TAB3: variants seen among roughly 807,000 people sequenced by gnomAD.
TAB3 encodes the protein TGF-beta-activated kinase 1 and MAP3K7-binding protein 3.
TAB3 carries 18 observed loss-of-function variants against 48.1 expected under a neutral mutation model. The observed-to-expected ratio is 0.37, with a 90% CI of 0.26 to 0.55. The LOEUF (loss-of-function observed/expected upper bound fraction) is 0.55. TAB3 is among the 20% of genes least tolerant of loss of function. The probability of loss-of-function intolerance (pLI) is 0.78; values close to 1 mark genes in which losing one functional copy is unlikely to be tolerated. For missense variants in TAB3, 414 were observed against 549.8 expected (o/e 0.75, Z 2.47); for synonymous variants, 185 against 190.2 (o/e 0.97, Z 0.22).
Position 30,831,184 on chromosome X carries a change from A to T in TAB3, c.*243T>A. ...TGTGTGTACATTCTTTCACAGAGTG[A>T]ATCCTTTCCCAGTTTCAAGTATCCC... On this transcript the variant is annotated 3_prime_UTR_variant, in exon 11 of 11. Transcript: ENST00000288422. 1 of 317,497 alleles carries T rather than the reference A, an allele frequency of 3.1e-6. No individual in the cohort carries two copies. The highest frequency in any genetic ancestry group is 5.5e-6 in the Non-Finnish European group (1 of 182,611). 26.2% of individuals were successfully genotyped at this position (317,497 alleles called of 1,213,427 possible).
At chrX:30,864,475 G>T (rs1939341535) in intron 4 of TAB3, among the ~76,000 whole-genome samples, 1 of 111,691 alleles carries the variant, frequency 9.0e-6, no homozygotes. Context: ...AGTGGTTTCT[G>T]TTCCTGAAAA....
In TAB3 at chrX:30,830,320, C is replaced by T. The variant is rs1937987220; in HGVS notation, c.*1107G>A. The T allele has an allele frequency of 8.9e-6, 1 of 112,310 alleles. No individual in the cohort carries two copies. Among genetic ancestry groups the T allele is most frequent in the African/African-American group, 3.2e-5 (1 of 30,907 alleles). The allele number at this position is 112,310 out of a possible 1,213,427, so 9.3% of individuals were successfully genotyped here. ...TTTGTCGTTGGCCAACTGTAATTCC[C>T]CTCACACTGGTTTGTTAACATATGC... On this transcript the variant is annotated 3_prime_UTR_variant, in exon 11 of 11. Transcript: ENST00000288422.
At chrX:30,856,796 G>A (rs189478406) in intron 5 of TAB3, among the ~76,000 whole-genome samples, 45 of 111,453 alleles carry the variant, frequency 4.0e-4, no homozygotes, top group African/African-American at 1.3e-3. Flanking sequence ...CCAATTCAAC[G>A]CACATTTACA....
At chrX:30,832,524 A>C (rs1938057186) in intron 10 of TAB3, among the ~76,000 whole-genome samples, 1 of 112,380 alleles carries the variant, frequency 8.9e-6, no homozygotes, top group Non-Finnish European at 1.9e-5. Flanking sequence ...TAACAAAAGA[A>C]ACAGATCTAG....
At chrX:30,839,624 A>G (rs773255177) in intron 9 of TAB3, among the ~76,000 whole-genome samples, 9 of 110,574 alleles carry the variant, frequency 8.1e-5, no homozygotes, top group African/African-American at 2.6e-4. Context: ...AAGTTCATCA[A>G]TTGTTACAAA....
intron 9 of TAB3, chrX:30,836,536 A>G (rs1351490900): frequency 1.8e-5 from 2 of 112,198 alleles, no homozygotes; most frequent in East Asian, 2.8e-4. Flanking sequence ...TTTGAGTTAA[A>G]TGAGTCATAG....
intron 1 of TAB3, among the ~76,000 whole-genome samples, chrX:30,881,328 T>C (rs759567559): frequency 1.8e-5 from 2 of 110,765 alleles, no homozygotes; most frequent in Non-Finnish European, 3.8e-5. Context: ...GTGTACTTTC[T>C]GCATATTAAA....
At chrX:30,866,277 T>C (rs920974026) in intron 4 of TAB3, among the ~76,000 whole-genome samples, 1 of 111,407 alleles carries the variant, frequency 9.0e-6, no homozygotes, top group Non-Finnish European at 1.9e-5. Flanking sequence ...AAAATATTTA[T>C]AAATATGCAT....
intron 5 of TAB3, 116 bp downstream of exon 5, chrX:30,859,371 C>T: frequency 1.9e-6 from 1 of 516,103 alleles, no homozygotes; most frequent in Non-Finnish European, 3.3e-6. Flanking sequence ...CACACACACA[C>T]ACACACACAC....
chrX:30,863,827 A>C (rs1183683152), intron 4 of TAB3, among the ~76,000 whole-genome samples: 1 of 112,278 alleles, frequency 8.9e-6, no homozygotes, highest in African/African-American at 3.2e-5. Flanking sequence ...TTAAAAACAC[A>C]AAGTTTTACA....
intron 1 of TAB3, among the ~76,000 whole-genome samples, chrX:30,877,097 G>A (rs1372020778): frequency 8.9e-6 from 1 of 111,885 alleles, no homozygotes; most frequent in Non-Finnish European, 1.9e-5. Flanking sequence ...GGGGCAGCAG[G>A]GGCAGAGGTG....
chrX:30,831,361 G>T lies in TAB3; in HGVS notation c.*66C>A. The T allele has an allele frequency of 8.9e-7, 1 of 1,126,676 alleles. No homozygotes were observed. Among genetic ancestry groups the T allele is most frequent in the Non-Finnish European group, 1.2e-6 (1 of 841,369 alleles). 92.9% of individuals were successfully genotyped at this position (1,126,676 alleles called of 1,213,427 possible). On this transcript the variant is annotated 3_prime_UTR_variant, in exon 11 of 11. Coordinates refer to ENST00000288422, the MANE Select transcript of TAB3 (RefSeq NM_152787.5). The stretch of plus-strand genomic sequence containing the variant: ...AGGCTGGGTGGATGAATAGAGTCCC[G>T]AGGTTTCCTTTTCTTCTGGTAGTGC...
intron 1 of TAB3, among the ~76,000 whole-genome samples, chrX:30,888,463 C>T (rs1940193016): frequency 1.8e-5 from 2 of 112,190 alleles, no homozygotes; most frequent in African/African-American, 6.5e-5. Context: ...CTCACCTGTC[C>T]CTCACCCTTC....
intron 10 of TAB3, among the ~76,000 whole-genome samples, chrX:30,832,651 A>G (rs1938061031): frequency 8.9e-6 from 1 of 112,287 alleles, no homozygotes; most frequent in Non-Finnish European, 1.9e-5. Flanking sequence ...TCCCCAAGAG[A>G]TAAGGAGAAC....
At chrX:30,855,730 A>G (rs768496908) in intron 5 of TAB3, among the ~76,000 whole-genome samples, 168 bp from the exon 6 acceptor site, 3 of 112,204 alleles carry the variant, frequency 2.7e-5, no homozygotes, top group Non-Finnish European at 5.6e-5. Context: ...AAGGAGACCC[A>G]AACGATTCAT....
chrX:30,848,245 C>T (rs754037484), intron 7 of TAB3, among the ~76,000 whole-genome samples: 8 of 112,039 alleles, frequency 7.1e-5, no homozygotes, highest in Non-Finnish European at 1.3e-4. Context: ...TTCATCAGGC[C>T]GGGTGCAGTG....
At chrX:30,866,944 A>G (rs1939429527) in intron 4 of TAB3, among the ~76,000 whole-genome samples, 171 bp downstream of exon 4, 1 of 110,278 alleles carries the variant, frequency 9.1e-6, no homozygotes, top group Non-Finnish European at 1.9e-5. Context: ...GATCAAGGTC[A>G]ACATCAACAG....
chrX:30,872,423 CT>C (rs1296566156), intron 1 of TAB3, among the ~76,000 whole-genome samples: 2 of 111,705 alleles, frequency 1.8e-5, no homozygotes, highest in Non-Finnish European at 3.8e-5. Flanking sequence ...AGGATTAGAA[CT>C]GTTCGCTCAG....
chrX:30,848,220 T>C (rs1375489389), intron 7 of TAB3, among the ~76,000 whole-genome samples: 2 of 111,690 alleles, frequency 1.8e-5, no homozygotes, highest in Admixed American at 1.9e-4. Context: ...CAGTTGCTCG[T>C]AACGAAAACA....
Sources: gnomAD v4.1 joint callset for allele counts (sites outside exome capture counted in the v4.1 genomes callset) on GRCh38, gnomAD v4.1.1 for gene constraint, MANE v1.5 for transcripts, NCBI Gene and HGNC (gene_info 2026-07-23, HGNC 2026-07-21) for gene names.